Variants in GLRA1 observed in about 807,000 individuals in gnomAD.
GLRA1 encodes glycine receptor alpha 1.
Under a neutral mutation model 48.3 loss-of-function variants are expected in GLRA1, and 37 were observed. That is an observed-to-expected ratio of 0.77 (90% CI 0.59 to 1.01). GLRA1 has a LOEUF of 1.01. Among genes scored for constraint, GLRA1 ranks in the 50% least tolerant of loss-of-function variants. The pLI, the probability that GLRA1 is intolerant of heterozygous loss-of-function variation, is 0.00. For missense variants in GLRA1, 427 were observed against 571.0 expected (o/e 0.75, Z 2.57); for synonymous variants, 196 against 210.7 (o/e 0.93, Z 0.60).
intron 7 of GLRA1, among the ~76,000 whole-genome samples, chr5:151,843,743 G>T (rs1752581977): frequency 6.6e-6 from 1 of 152,214 alleles, no homozygotes; most frequent in Non-Finnish European, 1.5e-5. Flanking sequence ...CAATGCAATA[G>T]AATTGAGAGT....
intron 3 of GLRA1, among the ~76,000 whole-genome samples, chr5:151,880,954 T>C (rs528032576): frequency 6.6e-6 from 1 of 152,380 alleles, no homozygotes; most frequent in Non-Finnish European, 1.5e-5. Context: ...CACAGATACA[T>C]GTGTATTCAT....
intron 3 of GLRA1, among the ~76,000 whole-genome samples, chr5:151,864,711 T>C (rs536266850): frequency 5.5e-4 from 84 of 152,294 alleles, no homozygotes; most frequent in Admixed American, 2.0e-3. Context: ...CCGAATCACC[T>C]GGAATGTTTA....
At chr5:151,923,604 G>C (rs565691179) in intron 1 of GLRA1, among the ~76,000 whole-genome samples, 38 of 152,300 alleles carry the variant, frequency 2.5e-4, no homozygotes, top group African/African-American at 7.9e-4. Flanking sequence ...CTATTTCAAT[G>C]CTTCTTAAAG....
intron 3 of GLRA1, among the ~76,000 whole-genome samples, chr5:151,870,495 A>T (rs542289511): frequency 6.7e-6 from 1 of 150,004 alleles, no homozygotes; most frequent in Non-Finnish European, 1.5e-5. Context: ...AATCTGAATG[A>T]TCTATGTGTA....
chr5:151,904,343 C>T (rs1003026896), intron 1 of GLRA1, among the ~76,000 whole-genome samples: 4 of 152,106 alleles, frequency 2.6e-5, no homozygotes, highest in South Asian at 2.1e-4. Context: ...CTGCTTGTTG[C>T]GTGTCTCAGA....
In GLRA1 at chr5:151,920,639, G is replaced by A. The variant is rs141183957; in HGVS notation, c.56+3855C>T. 4.4e-3 allele frequency among the ~76,000 whole-genome samples: 676 copies of A among 152,074 alleles called. 1 individual carries two copies. The highest frequency in any genetic ancestry group is 0.014 in the Middle Eastern group (4 of 294). On this transcript the variant is annotated intron_variant, in intron 1 of 8. Coordinates refer to ENST00000274576, the MANE Select transcript of GLRA1 (RefSeq NM_000171.4). ...GTAGACTCTCTTTTTGTTATTTACA[G>A]TAAGAATACTTAATATAAGGTACTT...
chr5:151,892,982 C>T (rs556206062), intron 1 of GLRA1, among the ~76,000 whole-genome samples: 5 of 152,184 alleles, frequency 3.3e-5, no homozygotes, highest in Non-Finnish European at 7.3e-5. Flanking sequence ...GAAGCTTTGA[C>T]AAGCTTATAT....
At chr5:151,850,419 T>C in intron 7 of GLRA1, 1 of 1,196,128 alleles carries the variant, frequency 8.4e-7, no homozygotes, top group Non-Finnish European at 1.2e-6. Flanking sequence ...GAACAGGAAG[T>C]GTTCAGGCTG....
chr5:151,872,898 C>T (rs1038056223), intron 3 of GLRA1, among the ~76,000 whole-genome samples: 7 of 149,436 alleles, frequency 4.7e-5, no homozygotes, highest in Non-Finnish European at 8.8e-5. Context: ...TTGTATTGCA[C>T]AATCCTACTT....
At chr5:151,889,998 C>T (rs1054509697) in intron 2 of GLRA1, among the ~76,000 whole-genome samples, 12 of 151,936 alleles carry the variant, frequency 7.9e-5, no homozygotes, top group East Asian at 1.9e-4. Context: ...CCAAGTGTTC[C>T]GAGTAAGCTT....
intron 7 of GLRA1, among the ~76,000 whole-genome samples, chr5:151,845,585 G>A (rs914496443): frequency 2.6e-5 from 4 of 152,196 alleles, no homozygotes; most frequent in Admixed American, 6.5e-5. Context: ...ATATATGTTT[G>A]TGAAGATGTG....
chr5:151,831,782 C>T (rs1463688215), intron 7 of GLRA1, among the ~76,000 whole-genome samples: 3 of 152,230 alleles, frequency 2.0e-5, no homozygotes, highest in Non-Finnish European at 4.4e-5. Flanking sequence ...GATCTCCCAG[C>T]ACAGCACTCG....
chr5:151,901,836 A>G lies in GLRA1; in HGVS notation c.57-9398T>C, dbSNP rs145542220. Reference sequence around the variant, plus strand: ...TTCTCAATACCATGAAGATGACATCATTATCCCCATTTTATAGATGAGGAA... The same window carrying G: ...TTCTCAATACCATGAAGATGACATCGTTATCCCCATTTTATAGATGAGGAA... On this transcript the variant is annotated intron_variant, in intron 1 of 8. Coordinates refer to ENST00000274576, the MANE Select transcript of GLRA1 (RefSeq NM_000171.4). Among the ~76,000 whole-genome samples, 547 of 152,318 alleles carry G rather than the reference A, an allele frequency of 3.6e-3. 3 individuals carry two copies. The highest frequency in any genetic ancestry group is 0.012 in the African/African-American group (504 of 41,564).
chr5:151,858,596 G>T (rs1753109452), intron 4 of GLRA1, among the ~76,000 whole-genome samples: 1 of 152,168 alleles, frequency 6.6e-6, no homozygotes, highest in Non-Finnish European at 1.5e-5. Context: ...GGGCTCCTGA[G>T]CGAGGAAGGC....
chr5:151,833,796 C>CAAAAAAAAAAAAAGAAAAAAAAAAAAA (rs1763491010), intron 7 of GLRA1, among the ~76,000 whole-genome samples: 1 of 64,778 alleles, frequency 1.5e-5, no homozygotes, highest in Non-Finnish European at 2.8e-5. Flanking sequence ...AAGTGGAAAG[C>CAAAAAAAAAAAAAGAAAAAAAAAAAAA]AAAAAAAAAA....
intron 1 of GLRA1, among the ~76,000 whole-genome samples, chr5:151,893,913 T>C (rs1465812145): frequency 6.6e-6 from 1 of 152,220 alleles, no homozygotes; most frequent in Non-Finnish European, 1.5e-5. Context: ...TTTCTGGTTC[T>C]AGATCTTTGA....
chr5:151,881,879 A>G lies in GLRA1; in HGVS notation c.252+4842T>C, dbSNP rs77027674. Among the ~76,000 whole-genome samples the G allele has an allele frequency of 4.0e-3, 613 of 152,182 alleles. 38 individuals carry two copies. In the East Asian group the frequency reaches 0.094, roughly 23 times the overall value. On this transcript the variant is annotated intron_variant, in intron 3 of 8. Transcript: ENST00000274576. ...GACTCCAGCTGTTTATAGAGCTGCT[A>G]TGCACTCCTGCTTTTTCTGGAGAAC... is the stretch of plus-strand genomic sequence containing the variant.
Position 151,855,021 on chromosome 5 carries a change from G to T in GLRA1, c.697+19C>A. ...CTGGTTGGGGGGTGGGATCTGAGGA[G>T]GGTGGCCCTTGTACCTACCTGTGTT... On this transcript the variant is annotated intron_variant, in intron 6 of 8. Transcript: ENST00000274576. 2 of 1,613,224 alleles carry T rather than the reference G, an allele frequency of 1.2e-6. No individual in the cohort carries two copies. Among genetic ancestry groups the T allele is most frequent in the Non-Finnish European group, 1.7e-6 (2 of 1,179,380 alleles).
intron 1 of GLRA1, among the ~76,000 whole-genome samples, chr5:151,911,623 T>TG (rs1754612538): frequency 6.8e-6 from 1 of 147,398 alleles, no homozygotes; most frequent in South Asian, 2.2e-4. Flanking sequence ...TTTTTTTTTT[T>TG]GAGATGGAGT....
Sources: gnomAD v4.1 joint callset for allele counts (sites outside exome capture counted in the v4.1 genomes callset) on GRCh38, gnomAD v4.1.1 for gene constraint, MANE v1.5 for transcripts, NCBI Gene and HGNC (gene_info 2026-07-23, HGNC 2026-07-21) for gene names.